The following CNBD1 variants were observed in gnomAD, a reference collection of about 807,000 sequenced individuals.
CNBD1 encodes cyclic nucleotide-binding domain-containing protein 1.
In CNBD1, 71 loss-of-function variants were observed where a neutral mutation model predicts 54.4. The ratio of observed to expected loss-of-function variants is 1.30; its 90% CI spans 1.08 to 1.59. The LOEUF (loss-of-function observed/expected upper bound fraction) is 1.59. CNBD1 is among the 40% of genes most tolerant of loss of function. The pLI is 0.00. For missense variants in CNBD1, 659 were observed against 518.0 expected (o/e 1.27, Z -2.64); for synonymous variants, 182 against 170.7 (o/e 1.07, Z -0.51).
At chr8:86,874,983 AATTTATATATAT>A (rs1404526297) in intron 1 of CNBD1, among the ~76,000 whole-genome samples, 1 of 61,328 alleles carries the variant, frequency 1.6e-5, no homozygotes, top group East Asian at 3.4e-4. Flanking sequence ...TTTGTAAATC[AATTTATATATAT>A]ATATATATAT....
At position 87,141,603 on chromosome 8, in the gene CNBD1, AT is replaced by A. The variant is rs200676551; in HGVS notation, c.432-64381del. ...TAAGTACAGCTTATTTCAGTGGTTGATTTTTTTTTGGTCTCTATGTGTAATA... is the reference window on the plus strand; with the variant it reads ...TAAGTACAGCTTATTTCAGTGGTTGATTTTTTTTGGTCTCTATGTGTAATA... On this transcript the variant is annotated intron_variant, in intron 4 of 10. Transcript: ENST00000518476. 4.0e-5 allele frequency among the ~76,000 whole-genome samples: 6 copies of A among 151,368 alleles called. No individual in the cohort carries two copies. In the South Asian group the frequency reaches 1.0e-3, roughly 26 times the overall value.
intron 3 of CNBD1, among the ~76,000 whole-genome samples, chr8:86,918,784 C>T (rs1007767558): frequency 1.1e-4 from 15 of 142,374 alleles, no homozygotes; most frequent in African/African-American, 3.9e-4. Context: ...AACTAATACA[C>T]ATGCTATCTT....
Position 87,425,918 on chromosome 8 carries a change from C to G in CNBD1, c.214-2628C>G, listed in dbSNP as rs1438323346. ...CAATGGCGGGCGCCCCTCCCCCAGC[C>G]TCACTGCTGCCTTGCAGTTTGATCT... On this transcript the variant is annotated intron_variant, in intron 2 of 7. Transcript: ENST00000521593. 2.0e-5 allele frequency among the ~76,000 whole-genome samples: 3 copies of G among 152,148 alleles called. No homozygotes were observed. In the East Asian group the frequency reaches 5.8e-4, roughly 29 times the overall value.
At chr8:87,094,721 T>A (rs1811283438) in intron 4 of CNBD1, among the ~76,000 whole-genome samples, 1 of 152,080 alleles carries the variant, frequency 6.6e-6, no homozygotes. Flanking sequence ...CTTTGCCCAG[T>A]GGTGTTTCTG....
At chr8:87,116,856 C>G (rs1016182149) in intron 4 of CNBD1, among the ~76,000 whole-genome samples, 1 of 152,150 alleles carries the variant, frequency 6.6e-6, no homozygotes, top group Admixed American at 6.5e-5. Flanking sequence ...CACCTCAGAA[C>G]AATACACACA....
chr8:87,387,655 T>C (rs1430525721), downstream of CNBD1, among the ~76,000 whole-genome samples: 2 of 152,146 alleles, frequency 1.3e-5, no homozygotes, highest in African/African-American at 4.8e-5. Flanking sequence ...ACAATCATAA[T>C]GGGAGACCTT....
chr8:87,261,603 G>A (rs536029947), intron 6 of CNBD1, among the ~76,000 whole-genome samples: 1 of 151,856 alleles, frequency 6.6e-6, no homozygotes, highest in East Asian at 1.9e-4. Flanking sequence ...GATTGGTTAC[G>A]GGTTGGCATT....
At chr8:86,950,498 T>G (rs892411436) in intron 4 of CNBD1, among the ~76,000 whole-genome samples, 1 of 152,218 alleles carries the variant, frequency 6.6e-6, no homozygotes. Flanking sequence ...TAAGTCTCAC[T>G]TGGTCATGAT....
intron 4 of CNBD1, among the ~76,000 whole-genome samples, chr8:87,037,893 C>T (rs1292968924): frequency 1.3e-5 from 2 of 152,146 alleles, no homozygotes; most frequent in African/African-American, 2.4e-5. Flanking sequence ...TTTCAGGCCT[C>T]ATATAGGATG....
rs550328940 is a variant in CNBD1, at chr8:87,329,195, T to G, written c.1043-22490T>G. 2.8e-4 allele frequency among the ~76,000 whole-genome samples: 43 copies of G among 152,294 alleles called. 1 individual carries two copies. The South Asian group carries it at 8.5e-3, about 30-fold the overall frequency. ...GGAAAGACTACCTACTGTACTGCCT[T>G]TGTTCTGTTTTCAAGGATCAGTTGA... is the stretch of plus-strand genomic sequence containing the variant. On this transcript the variant is annotated intron_variant, in intron 8 of 10. Coordinates refer to ENST00000518476, the MANE Select transcript of CNBD1 (RefSeq NM_173538.3).
At position 87,236,852 on chromosome 8, in the gene CNBD1, T is replaced by C. The variant is rs1200279729; in HGVS notation, c.578-67T>C. ...GAAAGTACCGTAAGTGTAATATATA[T>C]ATTAGTCATATCTATATCAAGGAGC... On this transcript the variant is annotated intron_variant, in intron 5 of 10. Transcript: ENST00000518476. 3.5e-6 allele frequency: 3 copies of C among 864,898 alleles called. No individual in the cohort carries two copies. In the African/African-American group the frequency reaches 5.1e-5, roughly 15 times the overall value. 53.6% of individuals were successfully genotyped at this position (864,898 alleles called of 1,614,324 possible).
chr8:87,418,392 CA>C (rs1258389071), intron 2 of CNBD1, among the ~76,000 whole-genome samples: 1 of 151,808 alleles, frequency 6.6e-6, no homozygotes, highest in East Asian at 1.9e-4. Context: ...CTAAATTTAA[CA>C]AGTCGAAAAA....
chr8:87,343,978 C>A (rs1810118298), intron 8 of CNBD1, among the ~76,000 whole-genome samples: 1 of 151,818 alleles, frequency 6.6e-6, no homozygotes, highest in Non-Finnish European at 1.5e-5. Context: ...GCTCTAACAA[C>A]TTTTTCATGC....
At chr8:87,257,369 C>CAA (rs771338208) in intron 6 of CNBD1, among the ~76,000 whole-genome samples, 7 of 67,534 alleles carry the variant, frequency 1.0e-4, no homozygotes, top group South Asian at 1.1e-3. Flanking sequence ...AACTCTATCG[C>CAA]AAAAAAAAAA....
chr8:86,940,200 G>A (rs1459062741), intron 4 of CNBD1, among the ~76,000 whole-genome samples: 17 of 129,162 alleles, frequency 1.3e-4, no homozygotes, highest in Admixed American at 1.2e-3. Context: ...GCACAGTTTC[G>A]GCTCACTGCA....
At chr8:87,291,967 G>A (rs549425477) in intron 8 of CNBD1, among the ~76,000 whole-genome samples, 2 of 152,252 alleles carry the variant, frequency 1.3e-5, no homozygotes, top group East Asian at 3.9e-4. Flanking sequence ...TTTGATGTCA[G>A]TGTTTACCCT....
chr8:87,315,544 G>A lies in CNBD1; in HGVS notation c.1042+28873G>A, dbSNP rs886200092. Among the ~76,000 whole-genome samples the A allele has an allele frequency of 4.6e-5, 7 of 151,986 alleles. No homozygotes were observed. In the East Asian group the frequency reaches 1.4e-3, roughly 30 times the overall value. The stretch of plus-strand genomic sequence containing the variant: ...AGAGACAAAGCAAAAGAATAGGAAG[G>A]TGCCAGGCTCATGTGGAAACTAGCA... On this transcript the variant is annotated intron_variant, in intron 8 of 10. Coordinates refer to ENST00000518476, the MANE Select transcript of CNBD1 (RefSeq NM_173538.3).
intron 6 of CNBD1, among the ~76,000 whole-genome samples, chr8:87,241,873 T>C (rs1474917626): frequency 1.3e-5 from 2 of 152,136 alleles, no homozygotes; most frequent in Non-Finnish European, 2.9e-5. Flanking sequence ...TCTTTGTAAG[T>C]GTATAAGTTG....
At chr8:87,242,492 T>C (rs774232325) in intron 6 of CNBD1, among the ~76,000 whole-genome samples, 21 of 152,322 alleles carry the variant, frequency 1.4e-4, no homozygotes, top group Non-Finnish European at 2.2e-4. Flanking sequence ...AACCCTCTTC[T>C]ATTGATTCAG....
Sources: allele counts gnomAD v4.1 joint callset (sites outside exome capture counted in the v4.1 genomes callset), GRCh38; gene constraint gnomAD v4.1.1; transcripts MANE v1.5; gene names NCBI Gene and HGNC (gene_info 2026-07-23, HGNC 2026-07-21).